DYNC1I1: variants seen among roughly 807,000 people sequenced by gnomAD.
DYNC1I1 encodes the protein cytoplasmic dynein 1 intermediate chain 1.
A neutral mutation model predicts 86.6 loss-of-function variants in DYNC1I1; 43 were observed. The observed-to-expected ratio is 0.50, with a 90% CI of 0.39 to 0.64. The LOEUF (loss-of-function observed/expected upper bound fraction) is 0.64. DYNC1I1 is among the 30% of genes least tolerant of loss of function. The pLI, the probability that DYNC1I1 is intolerant of heterozygous loss-of-function variation, is 0.00. For missense variants in DYNC1I1, 604 were observed against 788.8 expected, an observed-to-expected ratio of 0.77 and a Z score of 2.81; for synonymous variants, 262 against 283.7, an observed-to-expected ratio of 0.92 and a Z score of 0.77.
intron 1 of DYNC1I1, among the ~76,000 whole-genome samples, chr7:95,799,627 A>G (rs958934135): frequency 2.0e-5 from 3 of 151,544 alleles, no homozygotes; most frequent in Non-Finnish European, 4.4e-5. Context: ...GACTACACTT[A>G]ATTTTTTAAA....
Position 95,790,400 on chromosome 7 carries a change from C to G in DYNC1I1, c.-9-14321C>G, listed in dbSNP as rs79183514. On this transcript the variant is annotated intron_variant, in intron 1 of 16. Transcript: ENST00000447467. Reference sequence around the variant, plus strand: ...ACTGGTCATTCTTCTTACCTCCCACCTTTGTCCATGCTTCCCCCTCTGCCT... The same window carrying G: ...ACTGGTCATTCTTCTTACCTCCCACGTTTGTCCATGCTTCCCCCTCTGCCT... Among the ~76,000 whole-genome samples, 156 of 152,292 alleles carry G rather than the reference C, an allele frequency of 1.0e-3. 2 individuals carry two copies. The East Asian group carries it at 0.03, about 29-fold the overall frequency.
At chr7:96,021,225 T>C (rs1390889910) in intron 10 of DYNC1I1, among the ~76,000 whole-genome samples, 1 of 152,130 alleles carries the variant, frequency 6.6e-6, no homozygotes, top group African/African-American at 2.4e-5. Context: ...AATGTGTCCC[T>C]CAAATATGCA....
At chr7:96,069,927 A>G (rs1005059728) in intron 14 of DYNC1I1, among the ~76,000 whole-genome samples, 1 of 152,194 alleles carries the variant, frequency 6.6e-6, no homozygotes, top group Admixed American at 6.5e-5. Context: ...AAATTGTTTC[A>G]TATTAACTAA....
rs1792318225 is a variant in DYNC1I1 at position 95,943,969 on chromosome 7, G to A, written c.491-33543G>A. Reference sequence around the variant, plus strand: ...CATTCAGGACATAGGCATGGGCAAGGACTTCATGTCTAAAACACCAAAAGC... The same window carrying A: ...CATTCAGGACATAGGCATGGGCAAGAACTTCATGTCTAAAACACCAAAAGC... On this transcript the variant is annotated intron_variant, in intron 6 of 16. Transcript: ENST00000447467. 6.6e-5 allele frequency among the ~76,000 whole-genome samples: 10 copies of A among 152,146 alleles called. 1 individual carries two copies. The South Asian group carries it at 1.9e-3, about 28-fold the overall frequency.
chr7:95,956,707 T>G (rs1792725391), intron 6 of DYNC1I1, among the ~76,000 whole-genome samples: 1 of 152,224 alleles, frequency 6.6e-6, no homozygotes, highest in African/African-American at 2.4e-5. Flanking sequence ...GCAGATGACA[T>G]GAACTCATTC....
intron 6 of DYNC1I1, among the ~76,000 whole-genome samples, chr7:95,965,423 T>C (rs2116522130): frequency 6.6e-6 from 1 of 152,338 alleles, no homozygotes; most frequent in Non-Finnish European, 1.5e-5. Context: ...TGTAATTTAG[T>C]AGTTGTCTGA....
At chr7:96,083,703 G>A (rs574703005) in intron 16 of DYNC1I1, among the ~76,000 whole-genome samples, 5 of 152,280 alleles carry the variant, frequency 3.3e-5, no homozygotes, top group South Asian at 4.2e-4. Context: ...AGGAAGGGTC[G>A]TCGAGCAAAG....
At chr7:95,968,935 T>A (rs1308439663) in intron 6 of DYNC1I1, among the ~76,000 whole-genome samples, 1 of 151,854 alleles carries the variant, frequency 6.6e-6, no homozygotes, top group Non-Finnish European at 1.5e-5. Context: ...CCATAAAGGC[T>A]GTGTCTTACA....
chr7:96,096,708 A>G (rs1791017422), intron 16 of DYNC1I1, among the ~76,000 whole-genome samples: 1 of 152,170 alleles, frequency 6.6e-6, no homozygotes, highest in African/African-American at 2.4e-5. Flanking sequence ...GAAATTTTAT[A>G]AATCCCCCTT....
At chr7:95,801,142 AT>A (rs1794568260) in intron 1 of DYNC1I1, among the ~76,000 whole-genome samples, 1 of 152,238 alleles carries the variant, frequency 6.6e-6, no homozygotes, top group Non-Finnish European at 1.5e-5. Flanking sequence ...CAAAAAATCA[AT>A]AAATGGAAAG....
chr7:95,899,912 C>T (rs1268037774), intron 6 of DYNC1I1, among the ~76,000 whole-genome samples: 3 of 152,026 alleles, frequency 2.0e-5, no homozygotes, highest in African/African-American at 7.3e-5. Flanking sequence ...CTTCTTATTC[C>T]CCAAAGCCTC....
At chr7:96,080,595 C>A (rs762146545) in intron 16 of DYNC1I1, 107 bp downstream of exon 16, 12 of 1,582,278 alleles carry the variant, frequency 7.6e-6, no homozygotes, top group South Asian at 1.1e-5. Flanking sequence ...CCCTCTCTAA[C>A]GTGCTTGTAA....
intron 6 of DYNC1I1, among the ~76,000 whole-genome samples, chr7:95,919,068 A>C (rs1791546761): frequency 6.6e-6 from 1 of 152,200 alleles, no homozygotes; most frequent in Admixed American, 6.5e-5. Context: ...TTATGGAATG[A>C]CAGTTGAATG....
chr7:95,886,470 A>G (rs1227551876), intron 6 of DYNC1I1, among the ~76,000 whole-genome samples: 1 of 149,852 alleles, frequency 6.7e-6, no homozygotes, highest in Non-Finnish European at 1.5e-5. Context: ...AAGCAAAAAA[A>G]CCCATACTCA....
intron 3 of DYNC1I1, among the ~76,000 whole-genome samples, chr7:95,811,735 G>A (rs1170705460): frequency 6.6e-6 from 1 of 152,080 alleles, no homozygotes; most frequent in Non-Finnish European, 1.5e-5. Context: ...CCTAGGGGAC[G>A]TTATATTTGA....
intron 16 of DYNC1I1, among the ~76,000 whole-genome samples, chr7:96,094,528 G>A (rs1790942727): frequency 6.6e-6 from 1 of 152,144 alleles, no homozygotes; most frequent in African/African-American, 2.4e-5. Context: ...GAAAAGAGTG[G>A]CCCTGGCCCT....
At chr7:95,925,095 G>A (rs1791708600) in intron 6 of DYNC1I1, among the ~76,000 whole-genome samples, 1 of 152,150 alleles carries the variant, frequency 6.6e-6, no homozygotes, top group Admixed American at 6.5e-5. Context: ...TGCAATATTT[G>A]CTTTAGTATC....
At chr7:96,030,652 A>T (rs931629827) in intron 11 of DYNC1I1, among the ~76,000 whole-genome samples, 3 of 152,090 alleles carry the variant, frequency 2.0e-5, no homozygotes, top group African/African-American at 7.2e-5. Flanking sequence ...ACTCTTGTTG[A>T]AAAACAAGAT....
chr7:95,938,441 G>A (rs983056018), intron 6 of DYNC1I1, among the ~76,000 whole-genome samples: 1 of 152,110 alleles, frequency 6.6e-6, no homozygotes, highest in African/African-American at 2.4e-5. Flanking sequence ...AGCAGGGGAA[G>A]GTGTTAACCT....
Sources: allele counts gnomAD v4.1 joint callset (sites outside exome capture counted in the v4.1 genomes callset), GRCh38; gene constraint gnomAD v4.1.1; transcripts MANE v1.5; gene names NCBI Gene and HGNC (gene_info 2026-07-23, HGNC 2026-07-21).